GALNTL6: variants seen among roughly 807,000 people sequenced by gnomAD.
GALNTL6 encodes polypeptide N-acetylgalactosaminyltransferase like 6, also known as polypeptide N-acetylgalactosaminyltransferase-like 6.
GALNTL6 carries 46 observed loss-of-function variants against 73.7 expected under a neutral mutation model. That is an observed-to-expected ratio of 0.62 (90% CI 0.49 to 0.80). The LOEUF is 0.80. GALNTL6 is among the 30% of genes least tolerant of loss of function. GALNTL6 has a pLI of 0.00. For synonymous variants in GALNTL6, 259 were observed against 263.7 expected (o/e 0.98, Z 0.17); for missense variants, 604 against 755.0 (o/e 0.80, Z 2.34).
intron 2 of GALNTL6, among the ~76,000 whole-genome samples, chr4:171,882,906 C>T (rs1736491422): frequency 6.6e-6 from 1 of 152,218 alleles, no homozygotes; most frequent in South Asian, 2.1e-4. Context: ...TAGTATGTGA[C>T]ATTTATCTTA....
intron 5 of GALNTL6, among the ~76,000 whole-genome samples, chr4:172,692,100 GAAAAA>G (rs1263514195): frequency 6.6e-6 from 1 of 151,746 alleles, no homozygotes; most frequent in Non-Finnish European, 1.5e-5. Context: ...GAAATGTGCA[GAAAAA>G]AAGACCAAAA....
intron 5 of GALNTL6, among the ~76,000 whole-genome samples, chr4:172,767,498 C>T (rs564532206): frequency 2.0e-5 from 3 of 152,174 alleles, no homozygotes; most frequent in African/African-American, 4.8e-5. Context: ...CCTATGGCCA[C>T]GTCACCTTTT....
intron 5 of GALNTL6, among the ~76,000 whole-genome samples, chr4:172,644,557 T>C (rs1384785427): frequency 2.0e-5 from 3 of 152,010 alleles, no homozygotes; most frequent in South Asian, 2.1e-4. Flanking sequence ...CATTCATGTA[T>C]TGCATGTAGC....
chr4:171,989,639 C>T (rs1421587645), intron 2 of GALNTL6, among the ~76,000 whole-genome samples: 1 of 152,182 alleles, frequency 6.6e-6, no homozygotes, highest in African/African-American at 2.4e-5. Context: ...TGCTACTTGG[C>T]TGCCTCTACT....
intron 2 of GALNTL6, among the ~76,000 whole-genome samples, chr4:171,983,943 AG>A (rs1739990589): frequency 6.6e-6 from 1 of 152,150 alleles, no homozygotes; most frequent in Non-Finnish European, 1.5e-5. Context: ...CCCTTCCCCT[AG>A]TGTGGGCCTC....
At chr4:172,945,182 T>TATG (rs1243008192) in intron 9 of GALNTL6, among the ~76,000 whole-genome samples, 6 of 152,078 alleles carry the variant, frequency 3.9e-5, no homozygotes, top group African/African-American at 1.4e-4. Context: ...GCACATACTG[T>TATG]ATGATTCTAT....
intron 7 of GALNTL6, among the ~76,000 whole-genome samples, chr4:172,862,614 C>T (rs1046241847): frequency 2.3e-4 from 35 of 152,164 alleles, no homozygotes; most frequent in African/African-American, 7.0e-4. Flanking sequence ...GCAGAAGAAT[C>T]GCTTGAACCC....
intron 2 of GALNTL6, among the ~76,000 whole-genome samples, chr4:171,948,358 A>G (rs1459540275): frequency 6.6e-6 from 1 of 152,214 alleles, no homozygotes; most frequent in African/African-American, 2.4e-5. Flanking sequence ...TGTAATAAGT[A>G]GTATATAAAG....
intron 2 of GALNTL6, among the ~76,000 whole-genome samples, chr4:172,083,795 G>A (rs1289831613): frequency 1.1e-4 from 17 of 152,052 alleles, no homozygotes; most frequent in Admixed American, 1.1e-3. Flanking sequence ...CTACATTAGG[G>A]CAGAAATTAC....
Position 172,713,222 on chromosome 4 carries a change from ATG to A in GALNTL6, c.554-96095_554-96094del, listed in dbSNP as rs61504713. ...AATAAGAGAACAACAAAAGAATAAG[ATG>A]TGTGTGTGTGTGTGTGTGTGTGTGT... is the stretch of plus-strand genomic sequence containing the variant. On this transcript the variant is annotated intron_variant, in intron 5 of 12. Transcript: ENST00000506823. Among the ~76,000 whole-genome samples the A allele has an allele frequency of 4.8e-3, 668 of 139,218 alleles. 6 individuals carry two copies. The highest frequency in any genetic ancestry group is 0.011 in the South Asian group (46 of 4,078). The allele number at this position is 139,218 out of a possible 152,430, so 91.3% of individuals were successfully genotyped here. A position where few individuals can be genotyped will look rare whatever the true frequency, so the allele number is the denominator to read the frequency against.
At chr4:171,837,999 G>A (rs57258782) in intron 2 of GALNTL6, among the ~76,000 whole-genome samples, 66,983 of 151,622 alleles carry the variant, frequency 0.44, 17,204 homozygotes, top group East Asian at 0.63. Context: ...TTTATTTGGT[G>A]TAACTTTCTT....
intron 5 of GALNTL6, among the ~76,000 whole-genome samples, chr4:172,432,686 AT>A (rs1731497172): frequency 1.3e-5 from 2 of 152,100 alleles, no homozygotes; most frequent in South Asian, 4.1e-4. Flanking sequence ...AAATGAATAA[AT>A]AGTTGAATTT....
At chr4:171,850,986 G>A (rs535921371) in intron 2 of GALNTL6, among the ~76,000 whole-genome samples, 3 of 152,194 alleles carry the variant, frequency 2.0e-5, no homozygotes, top group South Asian at 4.1e-4. Flanking sequence ...TATTTATATC[G>A]TAGAGCTTTA....
In GALNTL6 at chr4:173,040,093, ACTC is replaced by A. The variant is rs762990907; in HGVS notation, c.1802_1804del (p.Ser601del). 2 of 1,609,138 alleles carry A rather than the reference ACTC, an allele frequency of 1.2e-6. No homozygotes were observed. The highest frequency in any genetic ancestry group is 1.7e-6 in the Non-Finnish European group (2 of 1,177,066). On this transcript the variant is annotated inframe_deletion, in exon 13 of 13. Coordinates refer to ENST00000506823, the MANE Select transcript of GALNTL6 (RefSeq NM_001034845.3). ...TTAGAAAAATTTAACCACCATGCCA[ACTC>A]CTAGAAAGAAGAAAGGAAGAAAGAG... is the stretch of plus-strand genomic sequence containing the variant.
chr4:172,172,462 G>T (rs990420994), intron 2 of GALNTL6, among the ~76,000 whole-genome samples: 1 of 152,104 alleles, frequency 6.6e-6, no homozygotes, highest in Non-Finnish European at 1.5e-5. Context: ...CTCCCAAAGT[G>T]CCGGGATTAT....
At chr4:172,742,772 A>G (rs765139881) in intron 5 of GALNTL6, among the ~76,000 whole-genome samples, 6 of 151,842 alleles carry the variant, frequency 4.0e-5, no homozygotes, top group African/African-American at 4.8e-5. Context: ...CTTCACCACC[A>G]TTTTTCTAGG....
chr4:171,998,109 G>A (rs911373820), intron 2 of GALNTL6, among the ~76,000 whole-genome samples: 41 of 152,118 alleles, frequency 2.7e-4, no homozygotes, highest in African/African-American at 9.2e-4. Flanking sequence ...GTATGTGGAT[G>A]ACTGAACAGA....
chr4:172,999,302 C>T (rs1216189525), intron 10 of GALNTL6, among the ~76,000 whole-genome samples: 1 of 152,166 alleles, frequency 6.6e-6, no homozygotes, highest in Non-Finnish European at 1.5e-5. Context: ...ACCCCACATG[C>T]CCATTTACTG....
intron 2 of GALNTL6, among the ~76,000 whole-genome samples, chr4:171,823,473 A>T (rs954854593): frequency 1.3e-5 from 2 of 151,950 alleles, no homozygotes; most frequent in Non-Finnish European, 2.9e-5. Flanking sequence ...CCTGGCAGAG[A>T]TGTCTGAGAT....
Sources: allele counts gnomAD v4.1 joint callset (sites outside exome capture counted in the v4.1 genomes callset), GRCh38; gene constraint gnomAD v4.1.1; transcripts MANE v1.5; gene names NCBI Gene and HGNC (gene_info 2026-07-23, HGNC 2026-07-21).